DYNC2H1: variants seen among roughly 807,000 people sequenced by gnomAD.
The protein encoded by DYNC2H1 is cytoplasmic dynein 2 heavy chain 1.
In DYNC2H1, 410 loss-of-function variants were observed where a neutral mutation model predicts 570.0. The observed-to-expected ratio is 0.72, with a 90% CI of 0.66 to 0.78. The LOEUF is 0.78. DYNC2H1 is among the 30% of genes least tolerant of loss of function. DYNC2H1 has a pLI of 0.00. For synonymous variants in DYNC2H1, 1,688 were observed against 1,677.6 expected, an observed-to-expected ratio of 1.01 and a Z score of -0.15; for missense variants, 4,865 against 5,046.4, an observed-to-expected ratio of 0.96 and a Z score of 1.09.
At chr11:103,391,129 T>C (rs918272590) in intron 83 of DYNC2H1, among the ~76,000 whole-genome samples, 3 of 152,246 alleles carry the variant, frequency 2.0e-5, no homozygotes, top group Non-Finnish European at 4.4e-5. Flanking sequence ...CAGTTTCAGG[T>C]ACGCCAATCA....
chr11:103,234,048 C>A lies in DYNC2H1; in HGVS notation c.9455C>A (p.Thr3152Asn). The change falls in exon 61 of 89, where the codon ACT (threonine) becomes AAT (asparagine). Residue 3152 changes from threonine to asparagine, a missense_variant. By Grantham distance (65) the Thr-to-Asn change is moderately conservative. This residue lies in a region of DYNC2H1 where 2,401 missense variants were observed against 2,454.6 expected (regional missense o/e 0.98). Transcript: ENST00000375735. ...SELKEKFQSR[T>N]SEAAKLEAEV... ...TGTTTACATAGATTTCAGAGCAGGACTTCAGAAGCTGCCAAACTTGAGGCT... is the reference window on the plus strand; with the variant it reads ...TGTTTACATAGATTTCAGAGCAGGAATTCAGAAGCTGCCAAACTTGAGGCT... 6.4e-7 allele frequency: 1 copy of A among 1,556,402 alleles called. No homozygotes were observed. Among genetic ancestry groups the A allele is most frequent in the Non-Finnish European group, 8.7e-7 (1 of 1,149,158 alleles).
intron 8 of DYNC2H1, 30 bp downstream of exon 8, chr11:103,120,832 A>G: frequency 1.5e-6 from 2 of 1,344,566 alleles, no homozygotes; most frequent in African/African-American, 1.5e-5. Context: ...CACTTTTAAT[A>G]TTTCTCTTAA....
intron 61 of DYNC2H1, 78 bp downstream of exon 61, chr11:103,234,238 A>G: frequency 6.9e-7 from 1 of 1,448,772 alleles, no homozygotes; most frequent in South Asian, 1.5e-5. Flanking sequence ...GTTAAGAAAA[A>G]GGAGAGAAAG....
chr11:103,336,244 A>T (rs181852580), intron 82 of DYNC2H1, among the ~76,000 whole-genome samples: 1 of 152,342 alleles, frequency 6.6e-6, no homozygotes, highest in East Asian at 1.9e-4. Context: ...AAATCAGGAG[A>T]ATTGCAGTAT....
intron 82 of DYNC2H1, among the ~76,000 whole-genome samples, chr11:103,353,114 A>C (rs1940133161): frequency 6.6e-6 from 1 of 152,192 alleles, no homozygotes; most frequent in Non-Finnish European, 1.5e-5. Context: ...ACATGGACAC[A>C]GGGAGAGGAA....
chr11:103,166,017 T>G lies in DYNC2H1; in HGVS notation c.4731T>G (p.Ile1577Met). The change falls in exon 31 of 89, where the codon ATT becomes ATG. Residue 1577 changes from isoleucine to methionine, a missense_variant. Coordinates refer to ENST00000375735, the MANE Select transcript of DYNC2H1 (RefSeq NM_001377.3). ...ATAAGTTAGAGCAATATACTAACATTGATACAAGTTCTGAGGATCCAGGGA... is the reference window on the plus strand; with the variant it reads ...ATAAGTTAGAGCAATATACTAACATGGATACAAGTTCTGAGGATCCAGGGA... ...LVNKLEQYTNIDTSSEDPGNT... is the reference protein window; with the variant it reads ...LVNKLEQYTNMDTSSEDPGNT... 4 of 1,532,646 alleles carry G rather than the reference T, an allele frequency of 2.6e-6. No individual in the cohort carries two copies. Among genetic ancestry groups the G allele is most frequent in the Non-Finnish European group, 2.6e-6 (3 of 1,138,246 alleles). 94.9% of individuals were successfully genotyped at this position (1,532,646 alleles called of 1,614,324 possible).
Position 103,392,481 on chromosome 11 carries a change from C to G in DYNC2H1, c.12157-7182C>G, listed in dbSNP as rs551497461. Among the ~76,000 whole-genome samples, 5 of 152,332 alleles carry G rather than the reference C, an allele frequency of 3.3e-5. No homozygotes were observed. In the East Asian group the frequency reaches 9.7e-4, roughly 30 times the overall value. ...TGATGCCTCGCCCTGCTTCGGCTCA[C>G]ACTTGGTGCGCTGCACCCACTGTCC... On this transcript the variant is annotated intron_variant, in intron 83 of 88. Transcript: ENST00000375735.
In DYNC2H1 at chr11:103,211,912, A is replaced by G. The variant is rs1863171168; in HGVS notation, c.8663A>G (p.Lys2888Arg). 6.5e-7 allele frequency: 1 copy of G among 1,532,424 alleles called. No individual in the cohort carries two copies. The highest frequency in any genetic ancestry group is 2.4e-5 in the East Asian group (1 of 41,490). The allele number at this position is 1,532,424 out of a possible 1,614,324, so 94.9% of individuals were successfully genotyped here. A position where few individuals can be genotyped will look rare whatever the true frequency, so the allele number is the denominator to read the frequency against. ...TCTGCCATTAGTAGTAGCAAGAAAA[A>G]GGAATTATTAAAAAGACAAAGTCAT... The part of the protein sequence containing the change: ...VYSAISSSKK[K>R]ELLKRQSHLQ... Residue 2888 changes from lysine (K) to arginine (R), a missense_variant, in exon 54 of 89, where the codon AAG becomes AGG. Transcript: ENST00000375735.
intron 67 of DYNC2H1, 57 bp downstream of exon 67, chr11:103,255,591 C>A (rs1393660256): frequency 1.4e-6 from 2 of 1,456,186 alleles, no homozygotes; most frequent in South Asian, 1.4e-5. Context: ...TTAATGAATA[C>A]AAATAACAGT....
intron 12 of DYNC2H1, 132 bp downstream of exon 12, chr11:103,125,427 A>G (rs1242273104): frequency 1.6e-6 from 1 of 616,080 alleles, no homozygotes; most frequent in Non-Finnish European, 2.5e-6. Context: ...ATTATGTTTT[A>G]CTAAATGAGT....
chr11:103,425,133 C>T (rs1260292583), intron 84 of DYNC2H1, among the ~76,000 whole-genome samples: 8 of 152,074 alleles, frequency 5.3e-5, no homozygotes, highest in Non-Finnish European at 1.2e-4. Context: ...ATGATAGGTA[C>T]TCACCATGTT....
intron 82 of DYNC2H1, among the ~76,000 whole-genome samples, chr11:103,342,669 A>C (rs1001229681): frequency 6.6e-6 from 1 of 151,414 alleles, no homozygotes; most frequent in African/African-American, 2.4e-5. Context: ...TGCCCGGCTA[A>C]TTTTTTTTGT....
rs778500007 is a variant in DYNC2H1, at chr11:103,304,729, A to C, written c.11382+9A>C. 3.1e-6 allele frequency: 5 copies of C among 1,604,386 alleles called. No homozygotes were observed. The South Asian group carries it at 5.5e-5, about 18-fold the overall frequency. ...TGCCAGTTCTGGAAAAGGTAGATTC[A>C]GATAAATGTACAAATAATATCTATT... On this transcript the variant is annotated intron_variant, in intron 77 of 88. Transcript: ENST00000375735.
rs1328921160 is a variant in DYNC2H1, at chr11:103,209,221, C to G, written c.8455-655C>G. Among the ~76,000 whole-genome samples, 2 of 151,882 alleles carry G rather than the reference C, an allele frequency of 1.3e-5. No individual in the cohort carries two copies. The highest frequency in any genetic ancestry group is 4.8e-5 in the African/African-American group (2 of 41,356). On this transcript the variant is annotated intron_variant, in intron 52 of 88. Transcript: ENST00000375735. The surrounding 1 kb of genome is among the most constrained non-coding windows in gnomAD (Gnocchi z 4.2). ...CTCTATCAGGTGAAAGAAATTGAAG[C>G]TATTTGGCTTAATTTAAAATTTCAA...
At chr11:103,274,866 G>A (rs973615433) in intron 70 of DYNC2H1, among the ~76,000 whole-genome samples, 17 of 152,124 alleles carry the variant, frequency 1.1e-4, no homozygotes, top group Non-Finnish European at 2.2e-4. Flanking sequence ...AGGCTGAGGC[G>A]GGCGGAAGAC....
intron 81 of DYNC2H1, among the ~76,000 whole-genome samples, chr11:103,323,122 A>ACT (rs1181015651): frequency 6.6e-6 from 1 of 152,204 alleles, no homozygotes; most frequent in African/African-American, 2.4e-5. Context: ...CACGGTTTAG[A>ACT]TGCACGTGCA....
At position 103,185,083 on chromosome 11, in the gene DYNC2H1, A is replaced by G. The variant is rs756853692; in HGVS notation, c.6633+32A>G. Reference sequence around the variant, plus strand: ...CATATTTATAGCCTATATTTAGTCAAAACTTTAACTTTTCATTAACTCTTA... The same window carrying G: ...CATATTTATAGCCTATATTTAGTCAGAACTTTAACTTTTCATTAACTCTTA... On this transcript the variant is annotated intron_variant, in intron 41 of 88. Transcript: ENST00000375735. The surrounding 1 kb of genome is among the most constrained non-coding windows in gnomAD (Gnocchi z 4.5). The G allele has an allele frequency of 2.5e-6, 4 of 1,584,402 alleles. No individual in the cohort carries two copies. Among genetic ancestry groups the G allele is most frequent in the Non-Finnish European group, 3.4e-6 (4 of 1,161,988 alleles).
At chr11:103,452,239 C>T (rs1944631388) in intron 85 of DYNC2H1, among the ~76,000 whole-genome samples, 1 of 152,064 alleles carries the variant, frequency 6.6e-6, no homozygotes, top group African/African-American at 2.4e-5. Context: ...ATCAGAGGCT[C>T]AGTTTCTTCC....
intron 84 of DYNC2H1, chr11:103,408,464 G>C (rs1208507986): frequency 2.6e-5 from 4 of 151,986 alleles, no homozygotes; most frequent in Non-Finnish European, 4.4e-5. Context: ...TCTCGGGTTG[G>C]ATGTGTGATG....
Sources: gnomAD v4.1 joint callset for allele counts (sites outside exome capture counted in the v4.1 genomes callset) on GRCh38, gnomAD v4.1.1 for gene constraint, gnomAD v4.1.1 regional missense constraint, Gnocchi (gnomAD v3.1) non-coding constraint, MANE v1.5 for transcripts, NCBI Gene and HGNC (gene_info 2026-07-23, HGNC 2026-07-21) for gene names.